Variants in DAPK2 observed in about 807,000 individuals in gnomAD.
DAPK2 encodes death associated protein kinase 2.
A neutral mutation model predicts 44.1 loss-of-function variants in DAPK2; 35 were observed. The observed-to-expected ratio is 0.79, with a 90% CI of 0.61 to 1.05. DAPK2 has a LOEUF of 1.05. DAPK2 is among the 50% of genes least tolerant of loss of function. DAPK2 has a pLI of 0.00. For missense variants in DAPK2, 453 were observed against 483.2 expected (o/e 0.94, Z 0.59); for synonymous variants, 174 against 182.6 (o/e 0.95, Z 0.38).
At chr15:63,934,008 CT>C (rs1212305713) in intron 4 of DAPK2, among the ~76,000 whole-genome samples, 1 of 152,112 alleles carries the variant, frequency 6.6e-6, no homozygotes, top group East Asian at 1.9e-4. Flanking sequence ...TTTTATTTGT[CT>C]TTTTTTCTGT....
At chr15:63,985,473 T>A (rs986776974) in intron 1 of DAPK2, among the ~76,000 whole-genome samples, 2 of 152,168 alleles carry the variant, frequency 1.3e-5, no homozygotes, top group Non-Finnish European at 2.9e-5. Flanking sequence ...GCTCTGAGTC[T>A]CAGTGTCAAG....
chr15:64,046,327 C>CGGG (rs1382470296), upstream of DAPK2: 50 of 952,160 alleles, frequency 5.3e-5, 1 homozygote, highest in African/African-American at 9.5e-4. This position sits in a 1 kb window ranked among gnomAD's most constrained non-coding sequence, Gnocchi z 5.3. Context: ...GCGGTCGCGG[C>CGGG]CGCGGCAGGC....
rs553192110 is a variant in DAPK2 at position 63,952,085 on chromosome 15, C to A, written c.454-12724G>T. Among the ~76,000 whole-genome samples the A allele has an allele frequency of 4.1e-4, 62 of 152,158 alleles. No homozygotes were observed. The Middle Eastern group carries it at 0.01, about 25-fold the overall frequency. ...TGAAAACCCATCTCTACTAAAAATACAAACATTAGCCAGGCGTGGTGACAG... is the reference window on the plus strand; with the variant it reads ...TGAAAACCCATCTCTACTAAAAATAAAAACATTAGCCAGGCGTGGTGACAG... On this transcript the variant is annotated intron_variant, in intron 3 of 10. Coordinates refer to ENST00000261891, the Ensembl canonical transcript of DAPK2.
At chr15:63,999,859 C>T (rs538741973) in intron 1 of DAPK2, among the ~76,000 whole-genome samples, 2 of 152,022 alleles carry the variant, frequency 1.3e-5, no homozygotes, top group African/African-American at 4.8e-5. Flanking sequence ...TCAAACTCCT[C>T]GGCTGAAGCT....
At chr15:63,994,410 AAAGGAAGGAAGG>A (rs56254515) in intron 1 of DAPK2, among the ~76,000 whole-genome samples, 6,320 of 141,726 alleles carry the variant, frequency 0.045, 152 homozygotes, top group Non-Finnish European at 0.048. Context: ...TGTTAAAAGA[AAAGGAAGGAAGG>A]AAGGAAGGAA....
At chr15:63,949,646 T>G (rs908566290) in intron 3 of DAPK2, among the ~76,000 whole-genome samples, 1 of 152,152 alleles carries the variant, frequency 6.6e-6, no homozygotes, top group African/African-American at 2.4e-5. Context: ...AGGAGTTGGC[T>G]CCAAGATGCA....
At chr15:64,003,764 C>A (rs1356691382) in intron 1 of DAPK2, among the ~76,000 whole-genome samples, 5 of 152,128 alleles carry the variant, frequency 3.3e-5, no homozygotes, top group African/African-American at 9.7e-5. Context: ...TGCCATCACA[C>A]CTGGCTATTT....
intron 1 of DAPK2, among the ~76,000 whole-genome samples, chr15:64,028,886 T>C (rs1322494080): frequency 6.6e-6 from 1 of 152,086 alleles, no homozygotes. Context: ...TATACATAGG[T>C]CAAGGGTATA....
rs947389136 is a variant in DAPK2, at chr15:63,931,156, A to C, written c.584-701T>G. 5.9e-5 allele frequency among the ~76,000 whole-genome samples: 9 copies of C among 152,216 alleles called. No individual in the cohort carries two copies. In the East Asian group the frequency reaches 1.2e-3, roughly 20 times the overall value. ...ACTTAGCAAGAAGGCACCATCTATG[A>C]AACAGGGTGAGCTCTCACCAGAGTC... On this transcript the variant is annotated intron_variant, in intron 4 of 10. Transcript: ENST00000261891.
intron 2 of DAPK2, among the ~76,000 whole-genome samples, chr15:63,982,742 G>A (rs2078557829): frequency 1.3e-5 from 2 of 152,208 alleles, no homozygotes; most frequent in South Asian, 2.1e-4. Context: ...GTGGACTCAA[G>A]TCCTGGTCCT....
chr15:63,991,825 C>T (rs1320404794), intron 1 of DAPK2, among the ~76,000 whole-genome samples: 1 of 152,166 alleles, frequency 6.6e-6, no homozygotes, highest in South Asian at 2.1e-4. Context: ...TCAGGGTCAG[C>T]GGTGAGGAGC....
rs1276352990 is a variant in DAPK2, at chr15:64,013,743, G to C, written c.92+26427C>G. ...GTGACTGAGAAAGCAAGCTGGATTT[G>C]AGAAATTATTCATTCTGGAAAACTA... On this transcript the variant is annotated intron_variant, in intron 1 of 10. Coordinates refer to ENST00000261891, the Ensembl canonical transcript of DAPK2. The surrounding 1 kb of genome is among the most constrained non-coding windows in gnomAD (Gnocchi z 4.7). Among the ~76,000 whole-genome samples, 1 of 152,178 alleles carries C rather than the reference G, an allele frequency of 6.6e-6. No homozygotes were observed. Among genetic ancestry groups the C allele is most frequent in the Non-Finnish European group, 1.5e-5 (1 of 68,030 alleles).
chr15:63,997,805 G>A (rs1019757161), intron 1 of DAPK2, among the ~76,000 whole-genome samples: 4 of 152,164 alleles, frequency 2.6e-5, no homozygotes, highest in Non-Finnish European at 5.9e-5. Flanking sequence ...AGGGCACGGA[G>A]GTCTCTGGAA....
Position 64,015,822 on chromosome 15 carries a change from C to T in DAPK2, c.92+24348G>A, listed in dbSNP as rs926342273. Among the ~76,000 whole-genome samples, 6 of 152,296 alleles carry T rather than the reference C, an allele frequency of 3.9e-5. No homozygotes were observed. In the East Asian group the frequency reaches 7.7e-4, roughly 20 times the overall value. ...CAAAGGATCACCAGCAGCCACCAGA[C>T]GCTAGGAGACAGGTATGGAACTGAT... On this transcript the variant is annotated intron_variant, in intron 1 of 10. Coordinates refer to ENST00000261891, the Ensembl canonical transcript of DAPK2.
At chr15:63,991,541 T>C (rs1237377346) in intron 1 of DAPK2, among the ~76,000 whole-genome samples, 1 of 152,160 alleles carries the variant, frequency 6.6e-6, no homozygotes, top group Non-Finnish European at 1.5e-5. Context: ...GTCCAATATG[T>C]AAAACAGATG....
At chr15:63,953,021 G>A (rs2077633231) in intron 3 of DAPK2, among the ~76,000 whole-genome samples, 1 of 151,944 alleles carries the variant, frequency 6.6e-6, no homozygotes, top group Admixed American at 6.6e-5. Flanking sequence ...GGGGGAACAG[G>A]TGGTGTTTGG....
chr15:63,922,956 T>A, intron 8 of DAPK2: 5 of 1,535,936 alleles, frequency 3.3e-6, no homozygotes, highest in Non-Finnish European at 4.4e-6. Flanking sequence ...TTCCTGGCCA[T>A]GCTTCCGAGG....
rs190915328 is a variant in DAPK2 at position 64,014,171 on chromosome 15, C to G, written c.92+25999G>C. Among the ~76,000 whole-genome samples, 62 of 152,296 alleles carry G rather than the reference C, an allele frequency of 4.1e-4. 1 individual carries two copies. The highest frequency in any genetic ancestry group is 1.4e-3 in the African/African-American group (60 of 41,562). ...TTTACAGGGAAAAGCATGGTCCATC[C>G]TGCAGTTTGGGTTTTTAGGAATACT... is the stretch of plus-strand genomic sequence containing the variant. On this transcript the variant is annotated intron_variant, in intron 1 of 10. Coordinates refer to ENST00000261891, the Ensembl canonical transcript of DAPK2.
At chr15:63,989,851 C>T (rs780910000) in intron 1 of DAPK2, among the ~76,000 whole-genome samples, 1 of 152,064 alleles carries the variant, frequency 6.6e-6, no homozygotes, top group Non-Finnish European at 1.5e-5. Flanking sequence ...ACCATTATAC[C>T]TGGCTAATTT....
Sources: gnomAD v4.1 joint callset for allele counts (sites outside exome capture counted in the v4.1 genomes callset) on GRCh38, gnomAD v4.1.1 for gene constraint, Gnocchi (gnomAD v3.1) non-coding constraint, MANE v1.5 for transcripts, NCBI Gene and HGNC (gene_info 2026-07-23, HGNC 2026-07-21) for gene names.